TMEM232: variants seen among roughly 807,000 people sequenced by gnomAD.
The protein encoded by TMEM232 is transmembrane protein 232.
TMEM232 carries 80 observed loss-of-function variants against 78.8 expected under a neutral mutation model. The observed-to-expected ratio is 1.01, with a 90% CI of 0.85 to 1.22. TMEM232 has a LOEUF of 1.22. Among genes scored for constraint, TMEM232 ranks in the 50% most tolerant of loss-of-function variants. The pLI is 0.00. For synonymous variants in TMEM232, 297 were observed against 254.3 expected, an observed-to-expected ratio of 1.17 and a Z score of -1.60; for missense variants, 881 against 742.2, an observed-to-expected ratio of 1.19 and a Z score of -2.17.
intron 1 of TMEM232, chr5:110,720,915 G>A (rs1191561865): frequency 6.6e-6 from 1 of 151,968 alleles, no homozygotes; most frequent in Non-Finnish European, 1.5e-5. Flanking sequence ...TTTTAAACTG[G>A]AAAAAATAGG....
At chr5:110,586,592 AC>A (rs1778845163) in intron 10 of TMEM232, among the ~76,000 whole-genome samples, 1 of 150,148 alleles carries the variant, frequency 6.7e-6, no homozygotes, top group African/African-American at 2.5e-5. Context: ...ACACACACAC[AC>A]AATTACACAT....
chr5:110,477,032 T>A (rs1763329495), intron 12 of TMEM232, among the ~76,000 whole-genome samples: 1 of 151,992 alleles, frequency 6.6e-6, no homozygotes, highest in Non-Finnish European at 1.5e-5. Flanking sequence ...AAATTAACTG[T>A]ATGACTGGGC....
chr5:110,486,115 A>G (rs1764436371), intron 12 of TMEM232, among the ~76,000 whole-genome samples: 2 of 151,232 alleles, frequency 1.3e-5, no homozygotes, highest in South Asian at 4.2e-4. Flanking sequence ...CCATTTGTAT[A>G]TCTTCTTTTG....
rs112665356 is a variant in TMEM232 at position 110,507,246 on chromosome 5, T to C, written c.1703+21342A>G. Among the ~76,000 whole-genome samples the C allele has an allele frequency of 2.3e-3, 350 of 152,292 alleles. 1 individual carries two copies. Among genetic ancestry groups the C allele is most frequent in the African/African-American group, 8.0e-3 (331 of 41,556 alleles). The stretch of plus-strand genomic sequence containing the variant: ...GTGTGACTTTTTAATTCTTTTGATA[T>C]GCATGCACTTGTCACAACCTCTCCT... On this transcript the variant is annotated intron_variant, in intron 12 of 13. Transcript: ENST00000455884.
At position 110,588,059 on chromosome 5, in the gene TMEM232, T is replaced by A. The variant is rs552814819; in HGVS notation, c.1276+17050A>T. Among the ~76,000 whole-genome samples, 4 of 152,164 alleles carry A rather than the reference T, an allele frequency of 2.6e-5. No individual in the cohort carries two copies. In the South Asian group the frequency reaches 8.3e-4, roughly 32 times the overall value. ...ACCAAGGTAAGAGATATATGAAAGA[T>A]CTAATAGAATATCATTAAAAGATTC... On this transcript the variant is annotated intron_variant, in intron 10 of 13. Coordinates refer to ENST00000455884, the MANE Select transcript of TMEM232 (RefSeq NM_001039763.4).
intron 12 of TMEM232, among the ~76,000 whole-genome samples, chr5:110,496,378 G>C (rs1765648141): frequency 6.6e-6 from 1 of 151,876 alleles, no homozygotes; most frequent in African/African-American, 2.4e-5. Context: ...TACTCATCTA[G>C]ATTTTGAAAT....
chr5:110,661,771 G>A (rs1789833567), intron 2 of TMEM232, among the ~76,000 whole-genome samples: 1 of 152,196 alleles, frequency 6.6e-6, no homozygotes, highest in African/African-American at 2.4e-5. Context: ...CACCAACAGT[G>A]TAGGAGCATT....
intron 12 of TMEM232, among the ~76,000 whole-genome samples, chr5:110,471,643 C>T (rs1202791883): frequency 6.6e-6 from 1 of 150,440 alleles, no homozygotes; most frequent in African/African-American, 2.4e-5. Flanking sequence ...ACAAAAAAAA[C>T]CTGGCAGCCA....
intron 12 of TMEM232, among the ~76,000 whole-genome samples, chr5:110,456,630 G>T (rs944798944): frequency 2.0e-5 from 3 of 152,086 alleles, no homozygotes; most frequent in Non-Finnish European, 4.4e-5. Flanking sequence ...CAAGCCTAAA[G>T]AGCTACAAAA....
intron 12 of TMEM232, among the ~76,000 whole-genome samples, chr5:110,470,825 G>A (rs748792288): frequency 1.3e-5 from 2 of 152,036 alleles, no homozygotes; most frequent in Non-Finnish European, 2.9e-5. Flanking sequence ...ACACAAAAAA[G>A]CAATGAAAAA....
At chr5:110,540,530 G>A (rs913944845) in intron 11 of TMEM232, among the ~76,000 whole-genome samples, 1 of 152,192 alleles carries the variant, frequency 6.6e-6, no homozygotes, top group Admixed American at 6.5e-5. Flanking sequence ...CTGCGAGCAG[G>A]TCATTGCACA....
chr5:110,520,642 G>A (rs1581049794), intron 12 of TMEM232, among the ~76,000 whole-genome samples: 1 of 152,126 alleles, frequency 6.6e-6, no homozygotes, highest in Admixed American at 6.5e-5. Context: ...ATAATGGGCT[G>A]GGCATGGTGG....
chr5:110,725,818 A>G (rs1205229415), intron 1 of TMEM232: 1 of 152,150 alleles, frequency 6.6e-6, no homozygotes, highest in East Asian at 1.9e-4. Context: ...TTAAAAGACA[A>G]TTTCTGAAAA....
intron 12 of TMEM232, among the ~76,000 whole-genome samples, chr5:110,429,300 G>T (rs1166467181): frequency 6.6e-6 from 1 of 151,772 alleles, no homozygotes; most frequent in Non-Finnish European, 1.5e-5. Context: ...ATAGGATGAT[G>T]ATTAGATTCA....
At chr5:110,644,807 AG>A (rs1787248867) in intron 2 of TMEM232, among the ~76,000 whole-genome samples, 1 of 151,874 alleles carries the variant, frequency 6.6e-6, no homozygotes, top group Non-Finnish European at 1.5e-5. Flanking sequence ...ATCAAAACTA[AG>A]AGCTGTTTTC....
At chr5:110,391,262 T>C (rs1755170210) in intron 3 of TMEM232, among the ~76,000 whole-genome samples, 1 of 148,950 alleles carries the variant, frequency 6.7e-6, no homozygotes. Flanking sequence ...ACATGTCTAT[T>C]AGCAAAGAAG....
At chr5:110,603,833 T>A (rs927440095) in intron 10 of TMEM232, among the ~76,000 whole-genome samples, 1 of 152,128 alleles carries the variant, frequency 6.6e-6, no homozygotes, top group South Asian at 2.1e-4. Flanking sequence ...AAGCCAAAAA[T>A]ATATTGAAGG....
chr5:110,642,230 A>G, intron 3 of TMEM232, 30 bp downstream of exon 3: 1 of 1,391,238 alleles, frequency 7.2e-7, no homozygotes, highest in South Asian at 1.4e-5. Flanking sequence ...GGAAGTTAAC[A>G]TGCTCAACAA....
intron 1 of TMEM232, among the ~76,000 whole-genome samples, chr5:110,693,209 TC>T (rs1794350819): frequency 6.6e-6 from 1 of 152,170 alleles, no homozygotes; most frequent in South Asian, 2.1e-4. Flanking sequence ...GGAATGGACC[TC>T]CAGCAAACTC....
Sources: gnomAD v4.1 joint callset for allele counts (sites outside exome capture counted in the v4.1 genomes callset) on GRCh38, gnomAD v4.1.1 for gene constraint, MANE v1.5 for transcripts, NCBI Gene and HGNC (gene_info 2026-07-23, HGNC 2026-07-21) for gene names.